The following GNG7 variants were observed in gnomAD, a reference collection of about 807,000 sequenced individuals.
The protein encoded by GNG7 is guanine nucleotide-binding protein G(I)/G(S)/G(O) subunit gamma-7.
A neutral mutation model predicts 4.0 loss-of-function variants in GNG7; 1 was observed. The ratio of observed to expected loss-of-function variants is 0.25; its 90% CI spans 0.09 to 1.18. The LOEUF (loss-of-function observed/expected upper bound fraction) is 1.18. Among genes scored for constraint, GNG7 ranks in the 50% most tolerant of loss-of-function variants. GNG7 has a pLI of 0.50. For missense variants in GNG7, 86 were observed against 91.9 expected (o/e 0.94, Z 0.26); for synonymous variants, 34 against 36.9 (o/e 0.92, Z 0.29).
At chr19:2,646,629 G>C (rs1437296521) in intron 1 of GNG7, among the ~76,000 whole-genome samples, 2 of 151,804 alleles carry the variant, frequency 1.3e-5, no homozygotes. Flanking sequence ...AGGGTGCAGT[G>C]AGCTGAGATC....
In GNG7 at chr19:2,513,621, G is replaced by A. The variant is rs879413691; in HGVS notation, c.*1401C>T. On this transcript the variant is annotated 3_prime_UTR_variant, in exon 5 of 5. Transcript: ENST00000382159. ...CTCAGACAGCCGTCCTGGGTTGCAC[G>A]GGGGTGGAAAAGCAAAAAGATCGGG... 20 of 978,696 alleles carry A rather than the reference G, an allele frequency of 2.0e-5. No homozygotes were observed. Among genetic ancestry groups the A allele is most frequent in the South Asian group, 9.5e-5 (2 of 21,162 alleles). 60.6% of individuals were successfully genotyped at this position (978,696 alleles called of 1,614,324 possible).
At chr19:2,679,603 A>C (rs1983679993) in intron 1 of GNG7, among the ~76,000 whole-genome samples, 2 of 152,308 alleles carry the variant, frequency 1.3e-5, no homozygotes. Flanking sequence ...ATGCCTCACC[A>C]TGCCTACATT....
intron 3 of GNG7, among the ~76,000 whole-genome samples, chr19:2,552,385 ATTTG>A (rs1294037244): frequency 2.7e-5 from 4 of 150,110 alleles, no homozygotes; most frequent in South Asian, 2.2e-4. Context: ...TCTAGTTTTT[ATTTG>A]TTTGTTTGTT....
At chr19:2,518,556 C>T (rs768921152) in intron 4 of GNG7, among the ~76,000 whole-genome samples, 4 of 152,134 alleles carry the variant, frequency 2.6e-5, no homozygotes, top group Admixed American at 6.5e-5. Flanking sequence ...GAGGGAGACT[C>T]ACCGGCCGAT....
chr19:2,563,031 T>G lies in GNG7; in HGVS notation c.-77-7843A>C, dbSNP rs533582655. ...GTGATCTCGGCTCACTGCAAGCTCCTCCTCCCGGGTTCACGCCATTCTCCT... is the reference window on the plus strand; with the variant it reads ...GTGATCTCGGCTCACTGCAAGCTCCGCCTCCCGGGTTCACGCCATTCTCCT... On this transcript the variant is annotated intron_variant, in intron 2 of 4. Transcript: ENST00000382159. Among the ~76,000 whole-genome samples, 422 of 151,514 alleles carry G rather than the reference T, an allele frequency of 2.8e-3. 2 individuals are homozygous for G. Among genetic ancestry groups the G allele is most frequent in the African/African-American group, 9.7e-3 (401 of 41,298 alleles).
In GNG7 at chr19:2,520,826, G is replaced by C. The variant is rs541957987; in HGVS notation, c.-37-101C>G. 3.1e-3 allele frequency: 1,891 copies of C among 604,772 alleles called. 8 individuals are homozygous for C. Among genetic ancestry groups the C allele is most frequent in the South Asian group, 4.3e-3 (226 of 52,060 alleles). The allele number at this position is 604,772 out of a possible 1,614,324, so 37.5% of individuals were successfully genotyped here. A position where few individuals can be genotyped will look rare whatever the true frequency, so the allele number is the denominator to read the frequency against. On this transcript the variant is annotated intron_variant, in intron 3 of 4. Coordinates refer to ENST00000382159, the MANE Select transcript of GNG7 (RefSeq NM_052847.3). Reference sequence around the variant, plus strand: ...GCTCAACCTTCCCGACTCTAGGCACGGCCACTTTGCCTCTGGGTGGGGACC... The same window carrying C: ...GCTCAACCTTCCCGACTCTAGGCACCGCCACTTTGCCTCTGGGTGGGGACC...
intron 4 of GNG7, among the ~76,000 whole-genome samples, chr19:2,515,943 G>A (rs929242306): frequency 9.9e-5 from 15 of 151,802 alleles, no homozygotes. Context: ...GGCCAGGTGC[G>A]GTGGCTCACA....
intron 2 of GNG7, among the ~76,000 whole-genome samples, chr19:2,572,474 C>A (rs1323959072): frequency 6.6e-6 from 1 of 152,138 alleles, no homozygotes; most frequent in Non-Finnish European, 1.5e-5. Context: ...GCTCTGTCGC[C>A]AGGCTGGAGT....
At chr19:2,603,773 A>T (rs6510688) in intron 2 of GNG7, among the ~76,000 whole-genome samples, 25,285 of 151,990 alleles carry the variant, frequency 0.17, 3,893 homozygotes, top group African/African-American at 0.41. Context: ...GATTTCAGAG[A>T]TTGTGTCACC....
chr19:2,654,307 C>T (rs1354492764), intron 1 of GNG7, among the ~76,000 whole-genome samples: 3 of 151,152 alleles, frequency 2.0e-5, no homozygotes, highest in African/African-American at 4.9e-5. Context: ...CTCCTAGACA[C>T]GATCCGAAAC....
chr19:2,551,674 A>AAAAT (rs1555692993), intron 3 of GNG7, among the ~76,000 whole-genome samples: 1 of 109,804 alleles, frequency 9.1e-6, no homozygotes, highest in African/African-American at 3.5e-5. Context: ...ATATTTAAAA[A>AAAAT]ATATATATAT....
At chr19:2,701,414 C>T (rs1045640256) in intron 1 of GNG7, 1 of 151,558 alleles carries the variant, frequency 6.6e-6, no homozygotes, top group Non-Finnish European at 1.5e-5. Context: ...CCCCAACTTC[C>T]TTCTCCCTGA....
intron 3 of GNG7, among the ~76,000 whole-genome samples, chr19:2,530,279 G>A (rs1319156435): frequency 1.3e-5 from 2 of 151,850 alleles, no homozygotes; most frequent in African/African-American, 4.8e-5. Flanking sequence ...TGGGCATGGT[G>A]GCACGTGCCT....
rs770052948 is a variant in GNG7 at position 2,557,277 on chromosome 19, A to C, written c.-77-2089T>G. Among the ~76,000 whole-genome samples the C allele has an allele frequency of 6.6e-6, 1 of 151,434 alleles. No individual in the cohort carries two copies. Among genetic ancestry groups the C allele is most frequent in the African/African-American group, 2.4e-5 (1 of 41,052 alleles). On this transcript the variant is annotated intron_variant, in intron 2 of 4. Coordinates refer to ENST00000382159, the MANE Select transcript of GNG7 (RefSeq NM_052847.3). This position sits in a 1 kb window ranked among gnomAD's most constrained non-coding sequence, Gnocchi z 5.1. ...CACGTGCACACACATTTGCACACAC[A>C]GACACGTGCACACACAGAGGTGCAC...
intron 2 of GNG7, among the ~76,000 whole-genome samples, chr19:2,588,041 A>G (rs1266569820): frequency 6.6e-6 from 1 of 152,212 alleles, no homozygotes; most frequent in Non-Finnish European, 1.5e-5. Context: ...ACTGGGCATG[A>G]AAAGGAAATG....
intron 1 of GNG7, among the ~76,000 whole-genome samples, chr19:2,667,053 C>T (rs1983328169): frequency 6.6e-6 from 1 of 152,246 alleles, no homozygotes; most frequent in Admixed American, 6.5e-5. Flanking sequence ...GGCGCGGTGG[C>T]TCACGCCTGT....
intron 1 of GNG7, among the ~76,000 whole-genome samples, chr19:2,654,071 ACT>A (rs1404290007): frequency 6.7e-6 from 1 of 149,316 alleles, no homozygotes; most frequent in African/African-American, 2.5e-5. Flanking sequence ...GTCTTTTGAG[ACT>A]CTGCATATGC....
At chr19:2,673,656 G>A (rs1907180156) in intron 1 of GNG7, among the ~76,000 whole-genome samples, 2 of 147,176 alleles carry the variant, frequency 1.4e-5, no homozygotes, top group African/African-American at 5.1e-5. Flanking sequence ...TCACACCACT[G>A]GCACTCCAGC....
At chr19:2,637,423 C>T (rs1343312588) in intron 2 of GNG7, among the ~76,000 whole-genome samples, 2 of 152,148 alleles carry the variant, frequency 1.3e-5, no homozygotes, top group African/African-American at 4.8e-5. Context: ...CTCACAGCCT[C>T]GCTCTCCTCC....
Sources: allele counts gnomAD v4.1 joint callset (sites outside exome capture counted in the v4.1 genomes callset), GRCh38; gene constraint gnomAD v4.1.1; non-coding constraint Gnocchi (gnomAD v3.1); transcripts MANE v1.5; gene names NCBI Gene and HGNC (gene_info 2026-07-23, HGNC 2026-07-21).